The following ANKRD27 variants were observed in gnomAD, a reference collection of about 807,000 sequenced individuals.
ANKRD27 encodes ankyrin repeat domain-containing protein 27.
Under a neutral mutation model 129.7 loss-of-function variants are expected in ANKRD27, and 112 were observed. That is an observed-to-expected ratio of 0.86 (90% confidence interval 0.74 to 1.01). The LOEUF (loss-of-function observed/expected upper bound fraction) is 1.01, where lower values mean the gene tolerates loss of function less well. Ranked by LOEUF, ANKRD27 falls within the 50% of genes least tolerant of loss-of-function variation. The pLI is 0.00. For missense variants in ANKRD27, 1,258 were observed against 1,300.5 expected (o/e 0.97, Z 0.50); for synonymous variants, 516 against 511.2 (o/e 1.01, Z -0.13).
At chr19:32,618,420 T>C (rs1405601926) in intron 20 of ANKRD27, among the ~76,000 whole-genome samples, 1 of 131,382 alleles carries the variant, frequency 7.6e-6, no homozygotes, top group East Asian at 2.2e-4. Context: ...CACTCCAGCC[T>C]GGGTGACACA....
In ANKRD27 at chr19:32,605,903, T is replaced by C. The variant is rs1568395955; in HGVS notation, c.2425A>G (p.Ser809Gly). The change falls in exon 24 of 29, where the codon AGT becomes GGT. Residue 809 changes from serine (S) to glycine (G), a missense_variant. Coordinates refer to ENST00000306065, the MANE Select transcript of ANKRD27 (RefSeq NM_032139.3). ...GCGTAAATGAGGGGCGTGTTTCCAC[T>C]GAGGTCCTTCTTATTGGGTTTTGCA... ...SNAKPNKKDL[S>G]GNTPLIYACS... 2 of 1,614,098 alleles carry C rather than the reference T, an allele frequency of 1.2e-6. No individual in the cohort carries two copies. The highest frequency in any genetic ancestry group is 1.7e-6 in the Non-Finnish European group (2 of 1,180,006).
chr19:32,634,562 G>A (rs1967055538), intron 12 of ANKRD27, among the ~76,000 whole-genome samples: 1 of 152,106 alleles, frequency 6.6e-6, no homozygotes, highest in African/African-American at 2.4e-5. Context: ...TATCCTTAGG[G>A]GCATCCTTAC....
chr19:32,659,364 G>A (rs1967605193), intron 1 of ANKRD27, among the ~76,000 whole-genome samples: 1 of 152,058 alleles, frequency 6.6e-6, no homozygotes, highest in Non-Finnish European at 1.5e-5. Context: ...TTACAGGCAT[G>A]AGCTGTCACA....
chr19:32,661,334 ATTTAT>A (rs1967642825), intron 1 of ANKRD27, among the ~76,000 whole-genome samples: 1 of 151,240 alleles, frequency 6.6e-6, no homozygotes, highest in Non-Finnish European at 1.5e-5. Context: ...TTTGGATGTT[ATTTAT>A]TTTGAGACAG....
intron 25 of ANKRD27, among the ~76,000 whole-genome samples, chr19:32,602,612 G>C (rs906365231): frequency 6.6e-6 from 1 of 151,942 alleles, no homozygotes; most frequent in African/African-American, 2.4e-5. Flanking sequence ...ATAATAAAAG[G>C]CCAGGCGCGA....
At chr19:32,622,030 C>T (rs1410847544) in intron 18 of ANKRD27, among the ~76,000 whole-genome samples, 1 of 152,174 alleles carries the variant, frequency 6.6e-6, no homozygotes, top group Admixed American at 6.5e-5. Context: ...ATGTCCAGAA[C>T]TGGCCGAGTC....
Position 32,598,008 on chromosome 19 carries a change from C to G in ANKRD27, c.*137G>C. The G allele has an allele frequency of 2.7e-6, 2 of 742,232 alleles. No homozygotes were observed. The highest frequency in any genetic ancestry group is 4.4e-6 in the Non-Finnish European group (2 of 452,184). 46.0% of individuals were successfully genotyped at this position (742,232 alleles called of 1,614,324 possible). On this transcript the variant is annotated 3_prime_UTR_variant, in exon 29 of 29. Coordinates refer to ENST00000306065, the MANE Select transcript of ANKRD27 (RefSeq NM_032139.3). Reference sequence around the variant, plus strand: ...TGCATTCTTTCCTGCCACAGAAAAGCTTTCAGGAACTTGGTGCTGAAGACT... The same window carrying G: ...TGCATTCTTTCCTGCCACAGAAAAGGTTTCAGGAACTTGGTGCTGAAGACT...
rs371021980 is a variant in ANKRD27 at position 32,661,247 on chromosome 19, A to ACC, written c.-30-2203_-30-2202insGG. Among the ~76,000 whole-genome samples the ACC allele has an allele frequency of 3.7e-3, 151 of 40,602 alleles. 4 individuals carry two copies. The highest frequency in any genetic ancestry group is 0.037 in the South Asian group (23 of 626). 26.6% of individuals were successfully genotyped at this position (40,602 alleles called of 152,430 possible). On this transcript the variant is annotated intron_variant, in intron 1 of 28. Coordinates refer to ENST00000306065, the MANE Select transcript of ANKRD27 (RefSeq NM_032139.3). ...CACACACACACACACACACACACAC[A>ACC]CACATATACTCACACCATCTCCTAG...
chr19:32,641,946 T>C, intron 10 of ANKRD27, 78 bp downstream of exon 10: 1 of 1,482,374 alleles, frequency 6.7e-7, no homozygotes, highest in African/African-American at 1.4e-5. Flanking sequence ...TAAAAATCCC[T>C]TAAGACAGCA....
At chr19:32,603,964 A>C (rs1418554898) in intron 25 of ANKRD27, among the ~76,000 whole-genome samples, 1 of 151,982 alleles carries the variant, frequency 6.6e-6, no homozygotes, top group Admixed American at 6.6e-5. Flanking sequence ...TGAGTGCCTG[A>C]CTCTATGTAA....
At chr19:32,635,539 G>A (rs771409697) in intron 12 of ANKRD27, among the ~76,000 whole-genome samples, 6 of 152,030 alleles carry the variant, frequency 3.9e-5, no homozygotes, top group Admixed American at 6.6e-5. Flanking sequence ...TCCTGGCCTC[G>A]GGTGATCCAC....
chr19:32,612,598 A>T (rs1419913796), intron 22 of ANKRD27, among the ~76,000 whole-genome samples: 1 of 152,204 alleles, frequency 6.6e-6, no homozygotes, highest in Non-Finnish European at 1.5e-5. Flanking sequence ...CGGTACTGGT[A>T]GGATGGGCCC....
chr19:32,619,292 T>C lies in ANKRD27; in HGVS notation c.1975A>G (p.Arg659Gly), dbSNP rs941303649. The C allele has an allele frequency of 1.2e-6, 2 of 1,613,630 alleles. No homozygotes were observed. The highest frequency in any genetic ancestry group is 1.7e-6 in the Non-Finnish European group (2 of 1,179,806). Reference sequence around the variant, plus strand: ...TAGTCCTTCTTGGTCTCCTCCTGCCTTGAGCTGGCTGACATGGAGGAGAAG... The same window carrying C: ...TAGTCCTTCTTGGTCTCCTCCTGCCCTGAGCTGGCTGACATGGAGGAGAAG... ...SSFSSMSASS[R>G]QEETKKDYRE... The change falls in exon 20 of 29, where the codon AGG becomes GGG. Residue 659 changes from arginine to glycine, a missense_variant. Arg to Gly is a moderately radical substitution (Grantham distance 125). Coordinates refer to ENST00000306065, the MANE Select transcript of ANKRD27 (RefSeq NM_032139.3).
intron 16 of ANKRD27, 94 bp downstream of exon 16, chr19:32,626,618 G>A: frequency 1.1e-6 from 1 of 907,766 alleles, no homozygotes. Context: ...AGGAGACAGG[G>A]GTGCAGGGTA....
chr19:32,602,498 C>T (rs1298837181), intron 25 of ANKRD27, among the ~76,000 whole-genome samples: 1 of 151,984 alleles, frequency 6.6e-6, no homozygotes, highest in South Asian at 2.1e-4. Context: ...GTGGCTCACG[C>T]GTGCAATCCC....
At chr19:32,603,326 G>T (rs1413211301) in intron 25 of ANKRD27, among the ~76,000 whole-genome samples, 1 of 152,132 alleles carries the variant, frequency 6.6e-6, no homozygotes. Context: ...GGAGTGGATT[G>T]ATGGTGATGT....
intron 1 of ANKRD27, among the ~76,000 whole-genome samples, chr19:32,668,876 T>C (rs1044853041): frequency 7.9e-5 from 12 of 152,158 alleles, no homozygotes; most frequent in Admixed American, 2.0e-4. Context: ...CCTATCTTAA[T>C]GCTCACAATA....
intron 16 of ANKRD27, 63 bp from the exon 17 acceptor site, chr19:32,626,029 AG>A: frequency 1.4e-6 from 2 of 1,383,620 alleles, no homozygotes; most frequent in Non-Finnish European, 1.9e-6. Flanking sequence ...CCCGGCCTCC[AG>A]TCTTAGCAGG....
chr19:32,637,414 A>C (rs748203080), intron 12 of ANKRD27: 3 of 152,220 alleles, frequency 2.0e-5, no homozygotes, highest in Non-Finnish European at 4.4e-5. Context: ...AAATATAATC[A>C]CATCCCCTCG....
Sources: allele counts gnomAD v4.1 joint callset (sites outside exome capture counted in the v4.1 genomes callset), GRCh38; gene constraint gnomAD v4.1.1; transcripts MANE v1.5; gene names NCBI Gene and HGNC (gene_info 2026-07-23, HGNC 2026-07-21).